DUOXA2: variants seen among roughly 807,000 people sequenced by gnomAD.
DUOXA2 encodes dual oxidase maturation factor 2.
DUOXA2 carries 22 observed loss-of-function variants against 27.6 expected under a neutral mutation model. The ratio of observed to expected loss-of-function variants is 0.80; its 90% CI spans 0.57 to 1.14. The LOEUF (loss-of-function observed/expected upper bound fraction) is 1.14. DUOXA2 is among the 50% of genes most tolerant of loss of function. The pLI is 0.00. For missense variants in DUOXA2, 481 were observed against 419.9 expected (o/e 1.15, Z -1.27); for synonymous variants, 188 against 184.4 (o/e 1.02, Z -0.16).
In DUOXA2 at chr15:45,116,499, C is replaced by A; in HGVS notation, c.341-17C>A. ...CTCCGACCGCGGGCAGCCCCATGAG[C>A]CCGCCTCACCCCACAGGGACCCCAG... On this transcript the variant is annotated splice_polypyrimidine_tract_variant and intron_variant, in intron 3 of 5. Coordinates refer to ENST00000323030, the MANE Select transcript of DUOXA2 (RefSeq NM_207581.4). The A allele has an allele frequency of 6.2e-7, 1 of 1,613,250 alleles. No homozygotes were observed. Among genetic ancestry groups the A allele is most frequent in the Non-Finnish European group, 8.5e-7 (1 of 1,179,886 alleles).
Position 45,116,523 on chromosome 15 carries a change from A to G in DUOXA2, c.348A>G (p.Pro116=), listed in dbSNP as rs1207068107. Residue 116 remains proline, a synonymous_variant, in exon 4 of 6, where the codon CCA becomes CCG. Coordinates refer to ENST00000323030, the MANE Select transcript of DUOXA2 (RefSeq NM_207581.4). Reference sequence around the variant, plus strand: ...GCCCGCCTCACCCCACAGGGACCCCAGTGCATCAGCTGAACGAGACCATTG... The same window carrying G: ...GCCCGCCTCACCCCACAGGGACCCCGGTGCATCAGCTGAACGAGACCATTG... The part of the protein sequence containing the change: ...EGINITLTGT[P]VHQLNETIDY... The G allele has an allele frequency of 3.1e-6, 5 of 1,613,818 alleles. No individual in the cohort carries two copies. The South Asian group carries it at 4.4e-5, about 14-fold the overall frequency.
In DUOXA2 at chr15:45,118,386, G is replaced by C. The variant is rs1387257948; in HGVS notation, c.*477G>C. On this transcript the variant is annotated 3_prime_UTR_variant, in exon 6 of 6. Coordinates refer to ENST00000323030, the MANE Select transcript of DUOXA2 (RefSeq NM_207581.4). ...TGCCACTCAGCTAGCCCAGCTGAGT[G>C]GGGTGGGAAGGAATAGCGTTTTGGA... is the stretch of plus-strand genomic sequence containing the variant. 7.4e-6 allele frequency: 8 copies of C among 1,084,844 alleles called. No homozygotes were observed. In the East Asian group the frequency reaches 4.9e-4, roughly 67 times the overall value. 67.2% of individuals were successfully genotyped at this position (1,084,844 alleles called of 1,614,324 possible).
In DUOXA2 at chr15:45,117,279, C is replaced by T. The variant is rs1367904217; in HGVS notation, c.743C>T (p.Ala248Val). The change falls in exon 5 of 6, where the codon GCC becomes GTC. Residue 248 changes from alanine (A) to valine (V), a missense_variant. By Grantham distance (64) the Ala-to-Val change is moderately conservative. Coordinates refer to ENST00000323030, the MANE Select transcript of DUOXA2 (RefSeq NM_207581.4). ...GSSALTTQYGAAFWVTLATGV... is the reference protein window; with the variant it reads ...GSSALTTQYGVAFWVTLATGV... ...TCCGCGCTCACCACTCAGTACGGCGCCGCCTTCTGGGTCACGCTGGCAACC... is the reference window on the plus strand; with the variant it reads ...TCCGCGCTCACCACTCAGTACGGCGTCGCCTTCTGGGTCACGCTGGCAACC... 8 of 1,602,236 alleles carry T rather than the reference C, an allele frequency of 5.0e-6. No homozygotes were observed. The African/African-American group carries it at 9.4e-5, about 19-fold the overall frequency.
chr15:45,116,255 A>G lies in DUOXA2; in HGVS notation c.337A>G (p.Thr113Ala). ...CCTGGAGGGCATTAATATTACACTC[A>G]CAGGTGAGGGGGCTGGGGCTAAATG... The part of the protein sequence containing the change: ...VGLEGINITL[T>A]GTPVHQLNET... Residue 113 changes from threonine (T) to alanine (A), a missense_variant, in exon 3 of 6, where the codon ACA becomes GCA. Transcript: ENST00000323030. The G allele has an allele frequency of 6.2e-7, 1 of 1,613,828 alleles. No individual in the cohort carries two copies. Among genetic ancestry groups the G allele is most frequent in the Non-Finnish European group, 8.5e-7 (1 of 1,179,898 alleles).
chr15:45,117,846 C>T lies in DUOXA2; in HGVS notation c.900C>T (p.Leu300=). The T allele has an allele frequency of 6.2e-7, 1 of 1,613,718 alleles. No individual in the cohort carries two copies. Among genetic ancestry groups the T allele is most frequent in the South Asian group, 1.1e-5 (1 of 91,086 alleles). Residue 300 remains leucine (L), a synonymous_variant, in exon 6 of 6, where the codon CTC becomes CTT. Coordinates refer to ENST00000323030, the MANE Select transcript of DUOXA2 (RefSeq NM_207581.4). ...SQERGGSPLI[L]GDPLHKQAAL... is the part of the protein sequence containing the mutation. ...AGAGAGGGGGCTCACCTCTTATCCTCGGCGACCCACTGCACAAGCAGGCCG... is the reference window on the plus strand; with the variant it reads ...AGAGAGGGGGCTCACCTCTTATCCTTGGCGACCCACTGCACAAGCAGGCCG...
rs561727628 is a variant in DUOXA2 at position 45,116,159 on chromosome 15, G to C, written c.241G>C (p.Val81Leu). 3 of 1,613,708 alleles carry C rather than the reference G, an allele frequency of 1.9e-6. No homozygotes were observed. The South Asian group carries it at 3.3e-5, about 18-fold the overall frequency. The change falls in exon 3 of 6, where the codon GTG becomes CTG. Residue 81 changes from valine to leucine, a missense_variant. By Grantham distance (32) the Val-to-Leu change is conservative. Transcript: ENST00000323030. ...CAGTGCAGAATGGTTCGTGGGTACA[G>C]TGAACACCAACACATCCTACAAAGC... ...HFSAEWFVGT[V>L]NTNTSYKAFS...
rs772699717 is a variant in DUOXA2, at chr15:45,114,611, C to T, written c.6C>T (p.Thr2=). M[T]LWNGVLPFYP... is the part of the protein sequence containing the mutation. The stretch of plus-strand genomic sequence containing the variant: ...GCACTCGGCCGGCGTGCAGCATGAC[C>T]CTGTGGAACGGCGTACTGCCTTTTT... The change falls in exon 1 of 6, where the codon ACC becomes ACT. Residue 2 remains threonine (T), a synonymous_variant. Transcript: ENST00000323030. 6.2e-7 allele frequency: 1 copy of T among 1,614,036 alleles called. No homozygotes were observed. Among genetic ancestry groups the T allele is most frequent in the East Asian group, 2.2e-5 (1 of 44,880 alleles).
At chr15:45,117,465 A>G (rs1388414248) in intron 5 of DUOXA2, 160 bp downstream of exon 5, 68 of 1,547,368 alleles carry the variant, frequency 4.4e-5, no homozygotes, top group Non-Finnish European at 5.6e-5. Context: ...TTTACAGATG[A>G]AAAGTGGGGG....
Position 45,114,489 on chromosome 15 carries a change from A to G in DUOXA2, c.-117A>G. The stretch of plus-strand genomic sequence containing the variant: ...TGCAGGACTCAGACTTCACCAGCCC[A>G]CTCGGTCCCAGCCTTGTACGCAAAG... On this transcript the variant is annotated 5_prime_UTR_variant, in exon 1 of 6. Coordinates refer to ENST00000323030, the MANE Select transcript of DUOXA2 (RefSeq NM_207581.4). 1 of 1,438,680 alleles carries G rather than the reference A, an allele frequency of 7.0e-7. No homozygotes were observed. Among genetic ancestry groups the G allele is most frequent in the South Asian group, 1.2e-5 (1 of 82,824 alleles). The allele number at this position is 1,438,680 out of a possible 1,614,324, so 89.1% of individuals were successfully genotyped here. A position where few individuals can be genotyped will look rare whatever the true frequency, so the allele number is the denominator to read the frequency against.
Position 45,118,355 on chromosome 15 carries a change from C to A in DUOXA2, c.*446C>A. 2.6e-6 allele frequency: 3 copies of A among 1,160,342 alleles called. No homozygotes were observed. Among genetic ancestry groups the A allele is most frequent in the East Asian group, 8.9e-5 (2 of 22,450 alleles). 71.9% of individuals were successfully genotyped at this position (1,160,342 alleles called of 1,614,324 possible). ...TGAGGCAGGTCACCCACTCCCCCGTCCTGGATGCCACTCAGCTAGCCCAGC... is the reference window on the plus strand; with the variant it reads ...TGAGGCAGGTCACCCACTCCCCCGTACTGGATGCCACTCAGCTAGCCCAGC... On this transcript the variant is annotated 3_prime_UTR_variant, in exon 6 of 6. Coordinates refer to ENST00000323030, the MANE Select transcript of DUOXA2 (RefSeq NM_207581.4).
intron 4 of DUOXA2, 128 bp from the exon 5 acceptor site, chr15:45,116,963 C>A: frequency 8.1e-7 from 1 of 1,227,348 alleles, no homozygotes; most frequent in Non-Finnish European, 1.1e-6. Context: ...CCGGGGAATT[C>A]CCCTGCACCG....
intron 3 of DUOXA2, 26 bp from the exon 4 acceptor site, chr15:45,116,490 C>T (rs1894639617): frequency 5.6e-6 from 9 of 1,611,028 alleles, no homozygotes; most frequent in Non-Finnish European, 7.6e-6. Context: ...CCGCGGGCAG[C>T]CCCATGAGCC....
chr15:45,116,871 G>T, intron 4 of DUOXA2, 142 bp downstream of exon 4: 1 of 1,056,530 alleles, frequency 9.5e-7, no homozygotes, highest in Non-Finnish European at 1.3e-6. Context: ...AGCCTCGCGG[G>T]TTAGAAGATC....
In DUOXA2 at chr15:45,117,143, C is replaced by T; in HGVS notation, c.607C>T (p.Pro203Ser). 1 of 1,602,458 alleles carries T rather than the reference C, an allele frequency of 6.2e-7. No individual in the cohort carries two copies. ...CAACGTGCTGCTCTCCACGCCGGCCCCGCTCTACGGAGGCCTGGCACTGCT... is the reference window on the plus strand; with the variant it reads ...CAACGTGCTGCTCTCCACGCCGGCCTCGCTCTACGGAGGCCTGGCACTGCT... ...LSNVLLSTPA[P>S]LYGGLALLTT... Residue 203 changes from proline to serine, a missense_variant, in exon 5 of 6, where the codon CCG becomes TCG. Pro to Ser is a moderately conservative substitution (Grantham distance 74). Coordinates refer to ENST00000323030, the MANE Select transcript of DUOXA2 (RefSeq NM_207581.4).
chr15:45,117,861 C>T lies in DUOXA2; in HGVS notation c.915C>T (p.His305=), dbSNP rs374399422. Reference sequence around the variant, plus strand: ...CTCTTATCCTCGGCGACCCACTGCACAAGCAGGCCGCTCTCCCAGACTTAA... The same window carrying T: ...CTCTTATCCTCGGCGACCCACTGCATAAGCAGGCCGCTCTCCCAGACTTAA... ...GSPLILGDPL[H]KQAALPDLKC... Residue 305 remains histidine, a synonymous_variant, in exon 6 of 6, where the codon CAC becomes CAT. Transcript: ENST00000323030. 2 of 1,613,600 alleles carry T rather than the reference C, an allele frequency of 1.2e-6. No individual in the cohort carries two copies. The highest frequency in any genetic ancestry group is 1.7e-6 in the Non-Finnish European group (2 of 1,180,050).
rs767386270 is a variant in DUOXA2, at chr15:45,117,921, T to A, written c.*12T>A. On this transcript the variant is annotated 3_prime_UTR_variant, in exon 6 of 6. Coordinates refer to ENST00000323030, the MANE Select transcript of DUOXA2 (RefSeq NM_207581.4). The stretch of plus-strand genomic sequence containing the variant: ...CCACTAACCTGTGAGGGGGACCCAA[T>A]CTGGACTCCTTCCCCGCCTTGGGAC... 6.2e-6 allele frequency: 10 copies of A among 1,613,176 alleles called. No homozygotes were observed. The highest frequency in any genetic ancestry group is 5.9e-6 in the Non-Finnish European group (7 of 1,180,006).
At position 45,116,211 on chromosome 15, in the gene DUOXA2, G is replaced by T. The variant is rs1447825769; in HGVS notation, c.293G>T (p.Arg98Leu). The T allele has an allele frequency of 6.2e-7, 1 of 1,614,076 alleles. No individual in the cohort carries two copies. The highest frequency in any genetic ancestry group is 1.6e-4 in the Middle Eastern group (1 of 6,062). Residue 98 changes from arginine to leucine, a missense_variant, in exon 3 of 6, where the codon CGT becomes CTT. Physicochemically the swap from Arg to Leu is moderately radical, Grantham distance 102. Transcript: ENST00000323030. ...TTCAGCGCAGCGCGCGTTACAGCCCGTGTCCGTCTGCTCGTGGGCCTGGAG... is the reference window on the plus strand; with the variant it reads ...TTCAGCGCAGCGCGCGTTACAGCCCTTGTCCGTCTGCTCGTGGGCCTGGAG... Reference protein sequence around the residue: ...KAFSAARVTARVRLLVGLEGI... With the variant: ...KAFSAARVTALVRLLVGLEGI...
rs2097556778 is a variant in DUOXA2 at position 45,118,373 on chromosome 15, AG to A, written c.*465del. ...CCCCCGTCCTGGATGCCACTCAGCT[AG>A]CCCAGCTGAGTGGGGTGGGAAGGAA... On this transcript the variant is annotated 3_prime_UTR_variant, in exon 6 of 6. Coordinates refer to ENST00000323030, the MANE Select transcript of DUOXA2 (RefSeq NM_207581.4). The A allele has an allele frequency of 1.8e-6, 2 of 1,113,106 alleles. No homozygotes were observed. The highest frequency in any genetic ancestry group is 1.6e-5 in the African/African-American group (1 of 61,600). The allele number at this position is 1,113,106 out of a possible 1,614,324, so 69.0% of individuals were successfully genotyped here.
chr15:45,116,058 C>G (rs1415464364), intron 2 of DUOXA2, 66 bp from the exon 3 acceptor site: 2 of 1,611,898 alleles, frequency 1.2e-6, no homozygotes, highest in Non-Finnish European at 1.7e-6. Flanking sequence ...GTCCCACCTC[C>G]CATACCACTC....
Sources: allele counts gnomAD v4.1 joint callset, GRCh38; gene constraint gnomAD v4.1.1; transcripts MANE v1.5; gene names NCBI Gene and HGNC (gene_info 2026-07-23, HGNC 2026-07-21).